SH3BP4: variants seen among roughly 807,000 people sequenced by gnomAD.
SH3BP4 encodes the protein SH3 domain-binding protein 4.
SH3BP4 carries 33 observed loss-of-function variants against 65.5 expected under a neutral mutation model. That is an observed-to-expected ratio of 0.50 (90% CI 0.38 to 0.67). SH3BP4 has a LOEUF of 0.67. Among genes scored for constraint, SH3BP4 ranks in the 30% least tolerant of loss-of-function variants. The probability of loss-of-function intolerance (pLI) is 0.00; values close to 1 mark genes in which losing one functional copy is unlikely to be tolerated. For missense variants in SH3BP4, 1,134 were observed against 1,261.4 expected, an observed-to-expected ratio of 0.90 and a Z score of 1.53; for synonymous variants, 552 against 545.5, an observed-to-expected ratio of 1.01 and a Z score of -0.17.
At chr2:235,048,218 A>G (rs1259394048) in intron 4 of SH3BP4, among the ~76,000 whole-genome samples, 3 of 152,230 alleles carry the variant, frequency 2.0e-5, no homozygotes, top group Non-Finnish European at 2.9e-5. Context: ...TCCAGATGCC[A>G]TGTGCAGAAG....
chr2:234,980,063 G>A (rs978389278), intron 1 of SH3BP4, among the ~76,000 whole-genome samples: 9 of 152,162 alleles, frequency 5.9e-5, no homozygotes, highest in Admixed American at 1.3e-4. Context: ...GCAAGAGTTC[G>A]TTTTTTGGCT....
chr2:234,968,694 G>T (rs913143797), intron 1 of SH3BP4, among the ~76,000 whole-genome samples: 12 of 151,122 alleles, frequency 7.9e-5, no homozygotes, highest in African/African-American at 2.7e-4. Flanking sequence ...TTCCCTGTGT[G>T]GCTGCTGCCT....
At chr2:235,009,261 G>T (rs894734236) in intron 2 of SH3BP4, among the ~76,000 whole-genome samples, 1 of 152,172 alleles carries the variant, frequency 6.6e-6, no homozygotes, top group African/African-American at 2.4e-5. Flanking sequence ...TGCAGTGTGT[G>T]TCTGTCTGCC....
chr2:234,980,198 A>G (rs1199876945), intron 1 of SH3BP4, among the ~76,000 whole-genome samples: 1 of 152,204 alleles, frequency 6.6e-6, no homozygotes, highest in Non-Finnish European at 1.5e-5. Flanking sequence ...CAGGGCCCCC[A>G]GAAGGTGCCT....
At position 234,956,691 on chromosome 2, in the gene SH3BP4, C is replaced by T. The variant is rs866546322; in HGVS notation, c.-207+4521C>T. 3.3e-5 allele frequency among the ~76,000 whole-genome samples: 5 copies of T among 151,700 alleles called. No individual in the cohort carries two copies. The South Asian group carries it at 1.0e-3, about 32-fold the overall frequency. ...TCCTCAGCCTCCTGAGTAGCTGGAACTACAGGTGCACACCAGCACGCCCGG... is the reference window on the plus strand; with the variant it reads ...TCCTCAGCCTCCTGAGTAGCTGGAATTACAGGTGCACACCAGCACGCCCGG... On this transcript the variant is annotated intron_variant, in intron 1 of 5. Coordinates refer to ENST00000392011, the MANE Select transcript of SH3BP4 (RefSeq NM_014521.3).
At chr2:235,001,441 C>G (rs10929079) in intron 2 of SH3BP4, among the ~76,000 whole-genome samples, 76,449 of 152,040 alleles carry the variant, frequency 0.5, 20,772 homozygotes, top group East Asian at 0.77. Flanking sequence ...AATGGGGCCT[C>G]AATGTCTTGG....
At chr2:234,988,749 G>A (rs1051767324) in intron 1 of SH3BP4, among the ~76,000 whole-genome samples, 6 of 152,172 alleles carry the variant, frequency 3.9e-5, no homozygotes, top group Admixed American at 1.3e-4. Flanking sequence ...GAACAAAGCC[G>A]TTGCGGGTGC....
At position 234,977,960 on chromosome 2, in the gene SH3BP4, T is replaced by A. The variant is rs111886782; in HGVS notation, c.-206-17343T>A. Among the ~76,000 whole-genome samples, 7,462 of 152,180 alleles carry A rather than the reference T, an allele frequency of 0.049. 611 individuals carry two copies. The highest frequency in any genetic ancestry group is 0.17 in the African/African-American group (6,874 of 41,486). On this transcript the variant is annotated intron_variant, in intron 1 of 5. Coordinates refer to ENST00000392011, the MANE Select transcript of SH3BP4 (RefSeq NM_014521.3). This position sits in a 1 kb window ranked among gnomAD's most constrained non-coding sequence, Gnocchi z 5.1. ...TGGTCTGTTTCTATTTTATTTTATT[T>A]TTTACTTTTTTTGAGACAGAGTTTG...
rs1250078930 is a variant in SH3BP4, at chr2:234,991,205, T to G, written c.-206-4098T>G. On this transcript the variant is annotated intron_variant, in intron 1 of 5. Transcript: ENST00000392011. This position sits in a 1 kb window ranked among gnomAD's most constrained non-coding sequence, Gnocchi z 4.2. Reference sequence around the variant, plus strand: ...GGATTTAGGACACAGTGGTCATCTCTGTGTGTGAATATAGCTTCCTGTTTG... The same window carrying G: ...GGATTTAGGACACAGTGGTCATCTCGGTGTGTGAATATAGCTTCCTGTTTG... Among the ~76,000 whole-genome samples the G allele has an allele frequency of 3.3e-5, 5 of 152,200 alleles. No homozygotes were observed. Among genetic ancestry groups the G allele is most frequent in the African/African-American group, 1.2e-4 (5 of 41,446 alleles).
At chr2:234,995,032 G>A (rs1693868423) in intron 1 of SH3BP4, 2 of 152,402 alleles carry the variant, frequency 1.3e-5, no homozygotes, top group Non-Finnish European at 2.9e-5. Context: ...CCCAGGAAGG[G>A]GGCTGATGTG....
rs1695507773 is a variant in SH3BP4, at chr2:235,038,373, ATACATATATATATATATATATAT to A, written c.119-2514_119-2492del. Among the ~76,000 whole-genome samples the A allele has an allele frequency of 7.1e-5, 3 of 41,992 alleles. 1 individual carries two copies. Among genetic ancestry groups the A allele is most frequent in the Non-Finnish European group, 1.1e-4 (3 of 26,808 alleles). The allele number at this position is 41,992 out of a possible 152,430, so 27.5% of individuals were successfully genotyped here. On this transcript the variant is annotated intron_variant, in intron 3 of 5. Transcript: ENST00000392011. ...TTTTATATATATATATATAATATAT[ATACATATATATATATATATATAT>A]ATATATATATATATATATATGAGGT...
In SH3BP4 at chr2:235,025,817, T is replaced by A. The variant is rs117816034; in HGVS notation, c.-132-9054T>A. 7.7e-4 allele frequency among the ~76,000 whole-genome samples: 117 copies of A among 152,228 alleles called. 2 individuals are homozygous for A. The East Asian group carries it at 0.021, about 27-fold the overall frequency. ...AAGGCAAAGGCACTGTTTCAGGGGG[T>A]CATTCTCCAATCGGTAGGTTTTGAT... On this transcript the variant is annotated intron_variant, in intron 2 of 5. Transcript: ENST00000392011.
chr2:234,963,497 C>G (rs1692762145), intron 1 of SH3BP4, among the ~76,000 whole-genome samples: 7 of 152,340 alleles, frequency 4.6e-5, no homozygotes, highest in Admixed American at 4.6e-4. Context: ...CTTTCTGTTT[C>G]TCCAGATCCT....
At chr2:234,955,405 AG>A (rs1692563659) in intron 1 of SH3BP4, among the ~76,000 whole-genome samples, 1 of 152,168 alleles carries the variant, frequency 6.6e-6, no homozygotes, top group African/African-American at 2.4e-5. Context: ...CCAAATACCC[AG>A]GGAACAATCC....
intron 1 of SH3BP4, among the ~76,000 whole-genome samples, chr2:234,992,587 A>G (rs1693779825): frequency 6.8e-6 from 1 of 147,250 alleles, no homozygotes; most frequent in Non-Finnish European, 1.5e-5. Flanking sequence ...TCTGGGCAGC[A>G]CCTGGAGATG....
At chr2:235,006,881 C>G (rs1694312793) in intron 2 of SH3BP4, among the ~76,000 whole-genome samples, 1 of 152,078 alleles carries the variant, frequency 6.6e-6, no homozygotes, top group Non-Finnish European at 1.5e-5. Flanking sequence ...ATGGCTGATG[C>G]ACCTGGTGTT....
At chr2:235,044,207 C>A (rs938009344) in intron 4 of SH3BP4, among the ~76,000 whole-genome samples, 2 of 152,166 alleles carry the variant, frequency 1.3e-5, no homozygotes. Context: ...TGAGTTGGGG[C>A]GAGGACAGCA....
At chr2:235,036,504 C>T (rs1695383401) in intron 3 of SH3BP4, among the ~76,000 whole-genome samples, 1 of 151,946 alleles carries the variant, frequency 6.6e-6, no homozygotes, top group Non-Finnish European at 1.5e-5. Flanking sequence ...GCCTGTAATC[C>T]CAGCACTTTA....
At position 235,005,573 on chromosome 2, in the gene SH3BP4, C is replaced by A. The variant is rs1372722873; in HGVS notation, c.-133+10197C>A. Reference sequence around the variant, plus strand: ...AGAACCTGCATTTTAACAAATCTTCCCCTGACACCTTGAGCCCCTCAGAGC... The same window carrying A: ...AGAACCTGCATTTTAACAAATCTTCACCTGACACCTTGAGCCCCTCAGAGC... On this transcript the variant is annotated intron_variant, in intron 2 of 5. Transcript: ENST00000392011. Among the ~76,000 whole-genome samples, 3 of 152,088 alleles carry A rather than the reference C, an allele frequency of 2.0e-5. No individual in the cohort carries two copies. The East Asian group carries it at 5.8e-4, about 29-fold the overall frequency.
Sources: gnomAD v4.1 joint callset for allele counts (sites outside exome capture counted in the v4.1 genomes callset) on GRCh38, gnomAD v4.1.1 for gene constraint, Gnocchi (gnomAD v3.1) non-coding constraint, MANE v1.5 for transcripts, NCBI Gene and HGNC (gene_info 2026-07-23, HGNC 2026-07-21) for gene names.